TRIM9: variants seen among roughly 807,000 people sequenced by gnomAD.
TRIM9 encodes E3 ubiquitin-protein ligase TRIM9.
A neutral mutation model predicts 78.3 loss-of-function variants in TRIM9; 26 were observed. The ratio of observed to expected loss-of-function variants is 0.33; its 90% CI spans 0.24 to 0.46. The LOEUF is 0.46. Ranked by LOEUF, TRIM9 falls within the 20% of genes least tolerant of loss-of-function variation. The pLI, the probability that TRIM9 is intolerant of heterozygous loss-of-function variation, is 1.00. For synonymous variants in TRIM9, 398 were observed against 416.5 expected (o/e 0.96, Z 0.54); for missense variants, 787 against 1,036.4 (o/e 0.76, Z 3.30).
chr14:51,003,861 A>G (rs149844607), intron 5 of TRIM9, among the ~76,000 whole-genome samples: 4 of 152,332 alleles, frequency 2.6e-5, no homozygotes, highest in African/African-American at 7.2e-5. Flanking sequence ...TGTTGTATAT[A>G]AAAGGTGAAT....
intron 3 of TRIM9, among the ~76,000 whole-genome samples, chr14:51,013,894 T>G (rs2056859368): frequency 2.0e-5 from 3 of 152,232 alleles, no homozygotes. Context: ...CTCTGCTGTA[T>G]GAGGCTGAAC....
chr14:50,983,102 G>C, intron 9 of TRIM9, 137 bp from the exon 10 acceptor site: 1 of 836,440 alleles, frequency 1.2e-6, no homozygotes, highest in African/African-American at 1.7e-5. Flanking sequence ...CTAAACAGGT[G>C]CTCTCTGACT....
intron 1 of TRIM9, among the ~76,000 whole-genome samples, chr14:51,076,108 T>C (rs2062760167): frequency 6.6e-6 from 1 of 152,236 alleles, no homozygotes; most frequent in African/African-American, 2.4e-5. Flanking sequence ...TCATTGATCC[T>C]GCTCTATAAC....
chr14:51,093,727 C>T (rs921777501), intron 1 of TRIM9, among the ~76,000 whole-genome samples: 2 of 152,236 alleles, frequency 1.3e-5, no homozygotes, highest in Non-Finnish European at 1.5e-5. Flanking sequence ...GGTTCGCAGC[C>T]CGCCCTGCCC....
At chr14:50,994,790 A>G (rs2053984938) in intron 7 of TRIM9, among the ~76,000 whole-genome samples, 1 of 152,228 alleles carries the variant, frequency 6.6e-6, no homozygotes, top group African/African-American at 2.4e-5. Flanking sequence ...TAGATGAATT[A>G]ATTTAAAGAT....
intron 1 of TRIM9, chr14:51,090,031 C>T (rs2064158582): frequency 6.6e-6 from 1 of 152,198 alleles, no homozygotes; most frequent in Non-Finnish European, 1.5e-5. Flanking sequence ...AAGTTTCCTG[C>T]AAGTAAGTGG....
chr14:51,026,437 T>C (rs1328543204), intron 1 of TRIM9, among the ~76,000 whole-genome samples: 1 of 152,146 alleles, frequency 6.6e-6, no homozygotes, highest in Admixed American at 6.5e-5. Flanking sequence ...GGAATTTATA[T>C]CAAGTATCAC....
intron 1 of TRIM9, among the ~76,000 whole-genome samples, chr14:51,037,448 A>G (rs1210243875): frequency 4.6e-5 from 7 of 152,024 alleles, no homozygotes; most frequent in Non-Finnish European, 7.4e-5. Flanking sequence ...AACAAAAACA[A>G]AAAACCTCTC....
rs764332094 is a variant in TRIM9 at position 50,979,427 on chromosome 14, C to T, written c.2285G>A (p.Gly762Asp). ...QGPIAFDNVEGLFFPAVSLNR... is the reference protein window; with the variant it reads ...QGPIAFDNVEDLFFPAVSLNR... ...CAGGCTGACCGCAGGGAAGAAGAGGCCCTCCACGTTATCAAATGCTATGGG... is the reference window on the plus strand; with the variant it reads ...CAGGCTGACCGCAGGGAAGAAGAGGTCCTCCACGTTATCAAATGCTATGGG... The change falls in exon 12 of 13, where the codon GGC (glycine) becomes GAC (aspartate). Residue 762 changes from glycine to aspartate, a missense_variant. This residue lies in a region of TRIM9 where 421 missense variants were observed against 514.3 expected (regional missense o/e 0.82). Transcript: ENST00000684578. The T allele has an allele frequency of 2.8e-5, 45 of 1,614,058 alleles. No individual in the cohort carries two copies. The highest frequency in any genetic ancestry group is 3.6e-5 in the Non-Finnish European group (42 of 1,180,042).
intron 1 of TRIM9, among the ~76,000 whole-genome samples, chr14:51,081,374 C>T (rs1364400491): frequency 6.6e-6 from 1 of 152,150 alleles, no homozygotes; most frequent in East Asian, 1.9e-4. Context: ...TGGAGAAATT[C>T]GATCACTCAT....
At chr14:51,006,103 G>A (rs1234668090) in intron 5 of TRIM9, among the ~76,000 whole-genome samples, 1 of 152,190 alleles carries the variant, frequency 6.6e-6, no homozygotes, top group Admixed American at 6.5e-5. Flanking sequence ...GAGTCAAGAA[G>A]TAAACAGATA....
intron 5 of TRIM9, among the ~76,000 whole-genome samples, chr14:51,005,418 G>A (rs1362696024): frequency 2.0e-5 from 3 of 152,154 alleles, no homozygotes; most frequent in East Asian, 1.9e-4. Context: ...TCATTGTTTC[G>A]TCCTGGTTCA....
intron 1 of TRIM9, among the ~76,000 whole-genome samples, chr14:51,049,747 C>T (rs1224287072): frequency 6.6e-6 from 1 of 151,562 alleles, no homozygotes; most frequent in East Asian, 1.9e-4. Context: ...ATTGCTTGAA[C>T]CCAGGAGGCA....
In TRIM9 at chr14:51,095,005, G is replaced by A. The variant is rs371604441; in HGVS notation, c.-66C>T. 48 of 1,264,464 alleles carry A rather than the reference G, an allele frequency of 3.8e-5. No homozygotes were observed. The highest frequency in any genetic ancestry group is 1.8e-4 in the African/African-American group (12 of 66,888). The allele number at this position is 1,264,464 out of a possible 1,614,324, so 78.3% of individuals were successfully genotyped here. On this transcript the variant is annotated 5_prime_UTR_variant, in exon 1 of 13. Transcript: ENST00000684578. ...TGCCTGAGCTGGCGAGGTGGCCGAC[G>A]GGCCCGTCTTGTCCAGCACCCTGGC...
intron 1 of TRIM9, among the ~76,000 whole-genome samples, chr14:51,089,805 A>G (rs1294185324): frequency 6.6e-6 from 1 of 152,242 alleles, no homozygotes; most frequent in Non-Finnish European, 1.5e-5. Context: ...AGGATCCAGA[A>G]AAGTACCCCA....
chr14:51,022,148 C>A (rs1000649032), intron 3 of TRIM9, among the ~76,000 whole-genome samples: 7 of 152,106 alleles, frequency 4.6e-5, no homozygotes, highest in African/African-American at 1.7e-4. Flanking sequence ...ATATCTCTTC[C>A]AAAACCCATG....
At chr14:51,066,336 T>A (rs2061738103) in intron 1 of TRIM9, among the ~76,000 whole-genome samples, 1 of 152,152 alleles carries the variant, frequency 6.6e-6, no homozygotes, top group Non-Finnish European at 1.5e-5. Context: ...TTCATCTCCA[T>A]CTTTGCAAAC....
At chr14:50,999,354 TACACACACACAAC>T (rs1293832691) in intron 6 of TRIM9, among the ~76,000 whole-genome samples, 1 of 150,266 alleles carries the variant, frequency 6.7e-6, no homozygotes, top group African/African-American at 2.5e-5. Context: ...AATAGGATTT[TACACACACACAAC>T]ACACACACAC....
At chr14:51,001,781 CATTCTCTCAAGGTAGCT>C (rs2055085513) in intron 5 of TRIM9, among the ~76,000 whole-genome samples, 1 of 152,140 alleles carries the variant, frequency 6.6e-6, no homozygotes, top group Non-Finnish European at 1.5e-5. Flanking sequence ...AACCTGATGT[CATTCTCTCAAGGTAGCT>C]ATACCTCGAA....
Sources: gnomAD v4.1 joint callset for allele counts (sites outside exome capture counted in the v4.1 genomes callset) on GRCh38, gnomAD v4.1.1 for gene constraint, gnomAD v4.1.1 regional missense constraint, MANE v1.5 for transcripts, NCBI Gene and HGNC (gene_info 2026-07-23, HGNC 2026-07-21) for gene names.